Variants in CYRIB observed in about 807,000 individuals in gnomAD.
The protein encoded by CYRIB is CYFIP-related Rac1 interactor B.
CYRIB carries 8 observed loss-of-function variants against 44.2 expected under a neutral mutation model. That is an observed-to-expected ratio of 0.18 (90% confidence interval 0.11 to 0.33). The LOEUF is 0.33. CYRIB is among the 10% of genes least tolerant of loss of function. CYRIB has a pLI of 1.00. For synonymous variants in CYRIB, 131 were observed against 127.2 expected (o/e 1.03, Z -0.20); for missense variants, 185 against 382.8 (o/e 0.48, Z 4.31).
chr8:129,887,336 G>A (rs1292072604), intron 2 of CYRIB, among the ~76,000 whole-genome samples: 2 of 152,206 alleles, frequency 1.3e-5, no homozygotes, highest in Non-Finnish European at 2.9e-5. Flanking sequence ...TGTGCAGACA[G>A]CAAGAATTGT....
chr8:129,924,003 G>A (rs2085577949), intron 1 of CYRIB, among the ~76,000 whole-genome samples: 1 of 149,878 alleles, frequency 6.7e-6, no homozygotes, highest in Non-Finnish European at 1.5e-5. Context: ...AGCTGCAGTA[G>A]CTCATGCCTG....
intron 1 of CYRIB, among the ~76,000 whole-genome samples, chr8:129,995,647 A>G (rs1430953510): frequency 6.6e-6 from 1 of 152,238 alleles, no homozygotes; most frequent in Non-Finnish European, 1.5e-5. Flanking sequence ...GGCAACTGTC[A>G]TGGAGGGTTA....
intron 1 of CYRIB, among the ~76,000 whole-genome samples, chr8:129,929,591 G>T (rs955022435): frequency 2.0e-5 from 3 of 152,172 alleles, no homozygotes; most frequent in African/African-American, 7.2e-5. Flanking sequence ...CTGAAGGAAT[G>T]ATTAGGTTTT....
chr8:129,874,254 C>T (rs1339015645), intron 3 of CYRIB, among the ~76,000 whole-genome samples: 1 of 151,872 alleles, frequency 6.6e-6, no homozygotes, highest in Non-Finnish European at 1.5e-5. Flanking sequence ...ACTCATCAAG[C>T]TTAGTTTTTA....
intron 2 of CYRIB, among the ~76,000 whole-genome samples, chr8:129,970,291 GA>G (rs1254092347): frequency 2.0e-5 from 3 of 152,166 alleles, no homozygotes; most frequent in South Asian, 4.2e-4. Context: ...GAAACCGGGG[GA>G]AAAAAGAAGT....
intron 11 of CYRIB, chr8:129,844,030 T>C (rs978138418): frequency 4.6e-5 from 7 of 152,232 alleles, no homozygotes; most frequent in Admixed American, 1.3e-4. Context: ...TTTAACCTTT[T>C]TGTTCTCTTT....
At chr8:129,933,721 A>G (rs1157695015) in intron 1 of CYRIB, among the ~76,000 whole-genome samples, 1 of 152,078 alleles carries the variant, frequency 6.6e-6, no homozygotes, top group African/African-American at 2.4e-5. Context: ...GTGAAAATAT[A>G]AAATTAGCTG....
intron 1 of CYRIB, among the ~76,000 whole-genome samples, chr8:129,989,156 A>G (rs374994031): frequency 2.4e-4 from 37 of 152,262 alleles, no homozygotes; most frequent in African/African-American, 8.7e-4. Context: ...GAAGCCACAG[A>G]GAAGCATATG....
At chr8:129,986,319 C>G (rs1477128972) in intron 1 of CYRIB, among the ~76,000 whole-genome samples, 1 of 152,146 alleles carries the variant, frequency 6.6e-6, no homozygotes, top group East Asian at 1.9e-4. Context: ...CAGAACTGCC[C>G]ACACCTCCCT....
At chr8:129,999,933 A>G (rs2096870604) in intron 1 of CYRIB, among the ~76,000 whole-genome samples, 1 of 152,236 alleles carries the variant, frequency 6.6e-6, no homozygotes, top group South Asian at 2.1e-4. Context: ...CCAGCCTCCC[A>G]TAAGGTTTTG....
chr8:129,919,458 C>T (rs536290716), intron 1 of CYRIB, among the ~76,000 whole-genome samples: 2 of 152,214 alleles, frequency 1.3e-5, no homozygotes, highest in Non-Finnish European at 2.9e-5. Context: ...CCTCATAAAG[C>T]TCATAGTCTA....
intron 1 of CYRIB, among the ~76,000 whole-genome samples, chr8:129,921,402 T>C (rs968650113): frequency 2.0e-5 from 3 of 152,226 alleles, no homozygotes; most frequent in Non-Finnish European, 4.4e-5. Context: ...TCTCCTATGT[T>C]AGGCTACTCA....
intron 1 of CYRIB, among the ~76,000 whole-genome samples, chr8:130,013,773 G>A (rs1297106804): frequency 6.6e-6 from 1 of 152,202 alleles, no homozygotes; most frequent in Non-Finnish European, 1.5e-5. Context: ...TCCACATAGG[G>A]AGGAACCACG....
At chr8:129,861,124 T>C (rs2049208878) in intron 5 of CYRIB, among the ~76,000 whole-genome samples, 3 of 152,228 alleles carry the variant, frequency 2.0e-5, no homozygotes, top group Non-Finnish European at 4.4e-5. Flanking sequence ...TGGAAGTACG[T>C]GTTTTAACTA....
intron 3 of CYRIB, among the ~76,000 whole-genome samples, chr8:129,874,856 A>T (rs2058580097): frequency 6.6e-6 from 1 of 152,194 alleles, no homozygotes; most frequent in African/African-American, 2.4e-5. Flanking sequence ...CAATATTTCT[A>T]AATGATAAGG....
chr8:129,899,025 G>A (rs1013811522), intron 2 of CYRIB, among the ~76,000 whole-genome samples: 7 of 151,970 alleles, frequency 4.6e-5, no homozygotes, highest in African/African-American at 1.4e-4. Context: ...CACCAGGCCC[G>A]GCTAATTTTT....
chr8:129,983,354 G>A (rs191639725), intron 1 of CYRIB, among the ~76,000 whole-genome samples: 1,822 of 152,154 alleles, frequency 0.012, 35 homozygotes, highest in African/African-American at 0.042. Flanking sequence ...CTGAGGCAGG[G>A]GAATGGCGAG....
intron 11 of CYRIB, chr8:129,844,301 T>C (rs1264341891): frequency 6.6e-6 from 1 of 152,250 alleles, no homozygotes; most frequent in Non-Finnish European, 1.5e-5. Context: ...TGATCTTGGC[T>C]TCCTTCTTTG....
intron 1 of CYRIB, among the ~76,000 whole-genome samples, chr8:130,002,706 G>A (rs1342803954): frequency 6.6e-6 from 1 of 152,210 alleles, no homozygotes; most frequent in Admixed American, 6.5e-5. Flanking sequence ...ACTTTGAGGG[G>A]CCGTGTAATA....
Sources: allele counts gnomAD v4.1 joint callset (sites outside exome capture counted in the v4.1 genomes callset), GRCh38; gene constraint gnomAD v4.1.1; transcripts MANE v1.5; gene names NCBI Gene and HGNC (gene_info 2026-07-23, HGNC 2026-07-21).